CLCN5: variants seen among roughly 807,000 people sequenced by gnomAD.
CLCN5 encodes the protein H(+)/Cl(-) exchange transporter 5.
A neutral mutation model predicts 54.0 loss-of-function variants in CLCN5; 17 were observed. The observed-to-expected ratio is 0.31, with a 90% CI of 0.22 to 0.47. The LOEUF (loss-of-function observed/expected upper bound fraction) is 0.47, where lower values mean the gene tolerates loss of function less well. CLCN5 is among the 20% of genes least tolerant of loss of function. The pLI is 1.00. For synonymous variants in CLCN5, 222 were observed against 233.0 expected (o/e 0.95, Z 0.43); for missense variants, 448 against 646.7 (o/e 0.69, Z 3.33).
chrX:49,999,073 G>A (rs1929670383), intron 3 of CLCN5, among the ~76,000 whole-genome samples: 1 of 108,162 alleles, frequency 9.2e-6, no homozygotes, highest in South Asian at 4.2e-4. Flanking sequence ...CTTCTTACAG[G>A]CCTTGTTGGC....
chrX:49,990,818 TTC>T (rs782689008), intron 3 of CLCN5, among the ~76,000 whole-genome samples: 7 of 112,051 alleles, frequency 6.2e-5, no homozygotes, highest in African/African-American at 2.3e-4. Flanking sequence ...TGGCTTTCCA[TTC>T]CTAGTAACTT....
chrX:49,970,047 C>G lies in CLCN5; in HGVS notation c.16+44733C>G, dbSNP rs983173809. On this transcript the variant is annotated intron_variant, in intron 3 of 14. Transcript: ENST00000376091. ...GTCTTTGGTCTAAAATCTTCTTTCT[C>G]TGATGTTATAAAGACATTTCAGCTT... 1.3e-4 allele frequency among the ~76,000 whole-genome samples: 15 copies of G among 111,371 alleles called. 1 individual carries two copies. The highest frequency in any genetic ancestry group is 8.6e-4 in the Admixed American group (9 of 10,458).
At chrX:49,975,400 C>A (rs1346342850) in intron 3 of CLCN5, among the ~76,000 whole-genome samples, 1 of 111,433 alleles carries the variant, frequency 9.0e-6, no homozygotes, top group East Asian at 2.8e-4. Context: ...ATTTAAAAGT[C>A]ATTCATAGGA....
chrX:50,015,629 A>G (rs1366744694), intron 3 of CLCN5, among the ~76,000 whole-genome samples: 1 of 109,050 alleles, frequency 9.2e-6, no homozygotes, highest in Non-Finnish European at 1.9e-5. Context: ...ACAGGTGCCC[A>G]TGATCTGATT....
At chrX:49,969,023 T>G (rs113469109) in intron 3 of CLCN5, among the ~76,000 whole-genome samples, 6,502 of 111,139 alleles carry the variant, frequency 0.059, 539 homozygotes, top group African/African-American at 0.21. Flanking sequence ...TTGCTTTTCA[T>G]CTCTTAAATT....
chrX:50,014,793 G>T, intron 3 of CLCN5: 1 of 253,637 alleles, frequency 3.9e-6, no homozygotes, highest in South Asian at 3.9e-5. Context: ...AGAATAGTTA[G>T]GGACTTCAGG....
intron 3 of CLCN5, among the ~76,000 whole-genome samples, chrX:49,997,728 C>T (rs1234307933): frequency 9.3e-6 from 1 of 107,599 alleles, no homozygotes; most frequent in African/African-American, 3.4e-5. Flanking sequence ...CACTATGTTA[C>T]CCAGACTGGG....
chrX:49,995,079 G>T (rs782044090), intron 3 of CLCN5, among the ~76,000 whole-genome samples: 2 of 111,538 alleles, frequency 1.8e-5, no homozygotes, highest in South Asian at 3.8e-4. Flanking sequence ...AGATCAAGAC[G>T]TATTCCTAAG....
At chrX:49,974,912 G>T (rs782002997) in intron 3 of CLCN5, among the ~76,000 whole-genome samples, 1 of 111,821 alleles carries the variant, frequency 8.9e-6, no homozygotes, top group Non-Finnish European at 1.9e-5. Flanking sequence ...GTTCAGTTTT[G>T]GACAAATGGA....
intron 3 of CLCN5, among the ~76,000 whole-genome samples, chrX:49,989,353 C>T (rs1185405230): frequency 8.9e-6 from 1 of 111,765 alleles, no homozygotes; most frequent in African/African-American, 3.3e-5. Context: ...AATGCCTTTG[C>T]AAGTAGCCTG....
intron 5 of CLCN5, among the ~76,000 whole-genome samples, chrX:50,070,292 C>T (rs1307162768): frequency 8.9e-6 from 1 of 112,116 alleles, no homozygotes; most frequent in East Asian, 2.8e-4. Context: ...TTGGTGCTTG[C>T]ACATAATTTT....
intron 3 of CLCN5, among the ~76,000 whole-genome samples, chrX:49,952,248 G>T (rs975987305): frequency 1.3e-4 from 14 of 109,783 alleles, no homozygotes; most frequent in African/African-American, 4.6e-4. Flanking sequence ...AACAGTGGGG[G>T]AAAAAAATAC....
intron 3 of CLCN5, chrX:50,014,768 G>A: frequency 3.5e-6 from 1 of 285,867 alleles, no homozygotes; most frequent in Non-Finnish European, 6.7e-6. Context: ...GGTGTGTGTT[G>A]GGGAAGCACA....
chrX:50,070,128 A>G (rs1933173284), intron 5 of CLCN5, 98 bp downstream of exon 5: 1 of 806,025 alleles, frequency 1.2e-6, no homozygotes, highest in Non-Finnish European at 1.8e-6. Flanking sequence ...TCAGCCCTGG[A>G]TGTGACTGAA....
chrX:50,003,058 C>T, intron 3 of CLCN5: 1 of 304,864 alleles, frequency 3.3e-6, no homozygotes, highest in Non-Finnish European at 6.7e-6. Context: ...ACAAGCACAC[C>T]TTCTCATTAC....
In CLCN5 at chrX:49,947,511, A is replaced by T. The variant is rs192813900; in HGVS notation, c.16+22197A>T. Among the ~76,000 whole-genome samples, 5 of 110,916 alleles carry T rather than the reference A, an allele frequency of 4.5e-5. No individual in the cohort carries two copies. The East Asian group carries it at 1.4e-3, about 32-fold the overall frequency. The stretch of plus-strand genomic sequence containing the variant: ...AGAGGGAAAAGGTGCCAAGGGTAGA[A>T]TTCTGGGGGAAATCCAGGTACTCAG... On this transcript the variant is annotated intron_variant, in intron 3 of 14. Coordinates refer to ENST00000376091, the MANE Select transcript of CLCN5 (RefSeq NM_001127898.4).
intron 3 of CLCN5, among the ~76,000 whole-genome samples, chrX:49,988,432 C>T (rs1602016219): frequency 9.0e-6 from 1 of 111,412 alleles, no homozygotes; most frequent in Admixed American, 9.5e-5. Flanking sequence ...GGGTGACTTT[C>T]CAGTGCTTAT....
At chrX:49,925,069 A>G in intron 2 of CLCN5, 102 bp from the exon 3 acceptor site, 7 of 438,773 alleles carry the variant, frequency 1.6e-5, no homozygotes, top group South Asian at 7.2e-5. Context: ...CCATGCCTGC[A>G]TATCTTTGAA....
chrX:50,080,471 T>G, intron 7 of CLCN5, 123 bp from the exon 8 acceptor site: 1 of 645,678 alleles, frequency 1.5e-6, no homozygotes, highest in Non-Finnish European at 2.3e-6. Flanking sequence ...TCTTGAACAA[T>G]TTAATCTCGG....
Sources: allele counts gnomAD v4.1 joint callset (sites outside exome capture counted in the v4.1 genomes callset), GRCh38; gene constraint gnomAD v4.1.1; transcripts MANE v1.5; gene names NCBI Gene and HGNC (gene_info 2026-07-23, HGNC 2026-07-21).